Variants in SYN3 observed in about 807,000 individuals in gnomAD.
The protein encoded by SYN3 is synapsin III, also known as synapsin-3.
A neutral mutation model predicts 65.8 loss-of-function variants in SYN3; 35 were observed. The observed-to-expected ratio is 0.53, with a 90% confidence interval of 0.41 to 0.70. The LOEUF (loss-of-function observed/expected upper bound fraction) is 0.70, where lower values mean the gene tolerates loss of function less well. Among genes scored for constraint, SYN3 ranks in the 30% least tolerant of loss-of-function variants. SYN3 has a pLI of 0.00. For synonymous variants in SYN3, 270 were observed against 292.9 expected, an observed-to-expected ratio of 0.92 and a Z score of 0.80; for missense variants, 680 against 749.0, an observed-to-expected ratio of 0.91 and a Z score of 1.08.
At chr22:32,730,434 C>T (rs931248955) in intron 6 of SYN3, among the ~76,000 whole-genome samples, 4 of 152,206 alleles carry the variant, frequency 2.6e-5, no homozygotes, top group African/African-American at 9.6e-5. Flanking sequence ...CCCATTTCAG[C>T]TGATTTTCTC....
intron 6 of SYN3, among the ~76,000 whole-genome samples, chr22:32,675,303 C>A (rs2060424340): frequency 6.6e-6 from 1 of 152,122 alleles, no homozygotes; most frequent in Admixed American, 6.5e-5. Context: ...TGACAAAATA[C>A]CCTCACCTAA....
intron 7 of SYN3, among the ~76,000 whole-genome samples, chr22:32,550,333 G>A (rs4507): frequency 0.26 from 38,349 of 148,970 alleles, 5,044 homozygotes; most frequent in Middle Eastern, 0.37. Context: ...ATTGGCACAT[G>A]GTAGATGTTC....
intron 6 of SYN3, among the ~76,000 whole-genome samples, chr22:32,615,448 A>AG (rs1555909318): frequency 1.5e-3 from 220 of 149,552 alleles, no homozygotes; most frequent in African/African-American, 5.2e-3. Flanking sequence ...AAAAAAAAAA[A>AG]AAAGAAAAAA....
intron 4 of SYN3, among the ~76,000 whole-genome samples, chr22:32,919,008 G>T (rs921092730): frequency 6.6e-6 from 1 of 152,196 alleles, no homozygotes; most frequent in African/African-American, 2.4e-5. Flanking sequence ...GAGCTCGGAG[G>T]TGGGCACCAA....
At chr22:32,814,351 G>GAGAAAGAAAGAGAGAA (rs1431567438) in intron 6 of SYN3, among the ~76,000 whole-genome samples, 3 of 14,564 alleles carry the variant, frequency 2.1e-4, no homozygotes, top group Admixed American at 1.9e-3. Context: ...GAAAGAAAGA[G>GAGAAAGAAAGAGAGAA]AGAAAGAAAG....
chr22:32,732,655 T>G (rs1386612496), intron 6 of SYN3, among the ~76,000 whole-genome samples: 1 of 152,192 alleles, frequency 6.6e-6, no homozygotes, highest in Non-Finnish European at 1.5e-5. Flanking sequence ...TGTCTACATA[T>G]CCTATGAGGT....
intron 1 of SYN3, among the ~76,000 whole-genome samples, chr22:33,047,050 C>A (rs1569422311): frequency 6.6e-6 from 1 of 152,034 alleles, no homozygotes; most frequent in East Asian, 1.9e-4. Flanking sequence ...AACATCACGG[C>A]TCTACTGAAA....
intron 6 of SYN3, among the ~76,000 whole-genome samples, chr22:32,599,152 C>T (rs922690384): frequency 1.3e-5 from 2 of 152,110 alleles, no homozygotes; most frequent in Admixed American, 1.3e-4. Flanking sequence ...TTGGTTCTTG[C>T]TCTTTCCACT....
At chr22:32,570,709 A>AT in intron 7 of SYN3, among the ~76,000 whole-genome samples, 1 of 152,192 alleles carries the variant, frequency 6.6e-6, no homozygotes, top group African/African-American at 2.4e-5. Flanking sequence ...CAACCCTCTC[A>AT]TTTTGCAGCT....
intron 1 of SYN3, among the ~76,000 whole-genome samples, chr22:33,010,205 C>T (rs2053315870): frequency 6.6e-6 from 1 of 150,882 alleles, no homozygotes; most frequent in Non-Finnish European, 1.5e-5. Flanking sequence ...GCACTTCAGC[C>T]TGGGCAAAAG....
At chr22:32,871,144 G>A (rs1411179042) in intron 4 of SYN3, among the ~76,000 whole-genome samples, 1 of 152,222 alleles carries the variant, frequency 6.6e-6, no homozygotes, top group Non-Finnish European at 1.5e-5. Context: ...ATAATAAAAG[G>A]TCTCCTGCTG....
chr22:32,921,872 C>T (rs1490189068), intron 4 of SYN3, among the ~76,000 whole-genome samples: 1 of 152,006 alleles, frequency 6.6e-6, no homozygotes, highest in Non-Finnish European at 1.5e-5. Context: ...AAGTTACTGC[C>T]CACGGTCACA....
rs936358800 is a variant in SYN3, at chr22:32,511,281, C to T, written c.*2411G>A. 1.3e-5 allele frequency among the ~76,000 whole-genome samples: 2 copies of T among 152,158 alleles called. No homozygotes were observed. The highest frequency in any genetic ancestry group is 4.8e-5 in the African/African-American group (2 of 41,432). Reference sequence around the variant, plus strand: ...TATAAATGGTCTGATCTATTCCTTGCCATCACCTGACCTCCCCCAAGCATG... The same window carrying T: ...TATAAATGGTCTGATCTATTCCTTGTCATCACCTGACCTCCCCCAAGCATG... On this transcript the variant is annotated 3_prime_UTR_variant, in exon 14 of 14. Transcript: ENST00000358763.
intron 6 of SYN3, among the ~76,000 whole-genome samples, chr22:32,821,172 C>T (rs566741353): frequency 1.3e-5 from 2 of 152,228 alleles, no homozygotes; most frequent in South Asian, 4.1e-4. Flanking sequence ...GATGGAATCC[C>T]GTCTCTGCCT....
In SYN3 at chr22:32,798,308, T is replaced by A. The variant is rs73158306; in HGVS notation, c.711+66607A>T. Among the ~76,000 whole-genome samples, 535 of 152,260 alleles carry A rather than the reference T, an allele frequency of 3.5e-3. 4 individuals are homozygous for A. The highest frequency in any genetic ancestry group is 5.2e-3 in the South Asian group (25 of 4,814). ...GAAAAGCAGATACGAGATCTGTGAA[T>A]GGCTGGGGTTTCCAAGCCCACAGTA... On this transcript the variant is annotated intron_variant, in intron 6 of 13. Coordinates refer to ENST00000358763, the MANE Select transcript of SYN3 (RefSeq NM_003490.4).
chr22:32,637,686 G>A (rs1601813210), intron 6 of SYN3, among the ~76,000 whole-genome samples: 1 of 134,566 alleles, frequency 7.4e-6, no homozygotes. Flanking sequence ...CGCCCAGACT[G>A]GAGTGCAGTG....
chr22:32,710,115 G>A (rs1454738920), intron 6 of SYN3, among the ~76,000 whole-genome samples: 7 of 146,652 alleles, frequency 4.8e-5, no homozygotes, highest in African/African-American at 1.2e-4. Flanking sequence ...GTGTGTATGT[G>A]TGTGTGTGTG....
At chr22:33,033,323 T>G (rs908667883) in intron 1 of SYN3, among the ~76,000 whole-genome samples, 1 of 152,066 alleles carries the variant, frequency 6.6e-6, no homozygotes, top group African/African-American at 2.4e-5. Flanking sequence ...CTTTAAAATA[T>G]GTTGTAGAGC....
chr22:32,992,367 A>T (rs2052742517), intron 2 of SYN3, among the ~76,000 whole-genome samples: 1 of 152,208 alleles, frequency 6.6e-6, no homozygotes, highest in Non-Finnish European at 1.5e-5. Context: ...TCTCTGGATG[A>T]CTTTGCCAAT....
Sources: gnomAD v4.1 joint callset for allele counts (sites outside exome capture counted in the v4.1 genomes callset) on GRCh38, gnomAD v4.1.1 for gene constraint, MANE v1.5 for transcripts, NCBI Gene and HGNC (gene_info 2026-07-23, HGNC 2026-07-21) for gene names.